Variants in GABRP observed in about 807,000 individuals in gnomAD.
GABRP encodes gamma-aminobutyric acid receptor subunit pi.
In GABRP, 52 loss-of-function variants were observed where a neutral mutation model predicts 47.8. The observed-to-expected ratio is 1.09, with a 90% CI of 0.87 to 1.37. The LOEUF (loss-of-function observed/expected upper bound fraction) is 1.37, where lower values mean the gene tolerates loss of function less well. Ranked by LOEUF, GABRP falls within the 40% of genes most tolerant of loss-of-function variation. GABRP has a pLI of 0.00. For synonymous variants in GABRP, 221 were observed against 205.8 expected, an observed-to-expected ratio of 1.07 and a Z score of -0.63; for missense variants, 525 against 542.8, an observed-to-expected ratio of 0.97 and a Z score of 0.33.
rs1765924110 is a variant in GABRP at position 170,812,745 on chromosome 5, G to A, written c.*487G>A. The A allele has an allele frequency of 6.5e-6, 1 of 154,398 alleles. No individual in the cohort carries two copies. Among genetic ancestry groups the A allele is most frequent in the Admixed American group, 6.3e-5 (1 of 15,754 alleles). The allele number at this position is 154,398 out of a possible 1,614,324, so 9.6% of individuals were successfully genotyped here. A position where few individuals can be genotyped will look rare whatever the true frequency, so the allele number is the denominator to read the frequency against. ...TGTTTCTGGTTAAAATGAAATATGG[G>A]CTTATGTCAATTCATTGGAAGTCAA... On this transcript the variant is annotated 3_prime_UTR_variant, in exon 10 of 10. Transcript: ENST00000265294.
At chr5:170,801,501 T>C (rs1765589003) in intron 6 of GABRP, among the ~76,000 whole-genome samples, 1 of 152,202 alleles carries the variant, frequency 6.6e-6, no homozygotes, top group Non-Finnish European at 1.5e-5. Context: ...GTCCCAGACA[T>C]ATCCCTGTGC....
chr5:170,809,172 A>G (rs1341760018), intron 8 of GABRP, among the ~76,000 whole-genome samples: 3 of 152,102 alleles, frequency 2.0e-5, no homozygotes, highest in African/African-American at 7.2e-5. Context: ...CCTGACCTCA[A>G]GTGATCTGCC....
At chr5:170,783,382 A>G (rs1027315770), upstream of GABRP, among the ~76,000 whole-genome samples, 2 of 152,142 alleles carry the variant, frequency 1.3e-5, no homozygotes, top group Non-Finnish European at 2.9e-5. Flanking sequence ...TGAAGTGGCC[A>G]CTATAGCCAT....
intron 6 of GABRP, among the ~76,000 whole-genome samples, chr5:170,798,558 T>C (rs1430869453): frequency 6.6e-6 from 1 of 152,164 alleles, no homozygotes; most frequent in Non-Finnish European, 1.5e-5. Flanking sequence ...ATCTGATTAC[T>C]AACTCTCAAA....
At chr5:170,789,301 A>AT in intron 3 of GABRP, 54 bp downstream of exon 3, 1 of 1,164,182 alleles carries the variant, frequency 8.6e-7, no homozygotes, top group South Asian at 1.3e-5. Flanking sequence ...AACAGAGACA[A>AT]TAAGCAGTGG....
Position 170,809,616 on chromosome 5 carries a change from C to A in GABRP, c.881C>A (p.Thr294Asn), listed in dbSNP as rs41311751. 3 of 1,614,210 alleles carry A rather than the reference C, an allele frequency of 1.9e-6. No individual in the cohort carries two copies. The highest frequency in any genetic ancestry group is 2.5e-6 in the Non-Finnish European group (3 of 1,180,042). ...ACCACACTGATGATCGGGTCCCGCA[C>A]TTCTCTTCCCAACACCAACTGCTTC... ...SMTTLMIGSR[T>N]SLPNTNCFIK... is the part of the protein sequence containing the mutation. The change falls in exon 9 of 10, where the codon ACT (threonine) becomes AAT (asparagine). Residue 294 changes from threonine (T) to asparagine (N), a missense_variant. Thr to Asn is a moderately conservative substitution (Grantham distance 65). Transcript: ENST00000265294.
At chr5:170,792,970 G>A (rs372479203) in intron 3 of GABRP, among the ~76,000 whole-genome samples, 1 of 152,100 alleles carries the variant, frequency 6.6e-6, no homozygotes, top group Non-Finnish European at 1.5e-5. Context: ...TCCAAAATTA[G>A]CTAGGATTAC....
chr5:170,809,804 C>A, intron 9 of GABRP, 49 bp downstream of exon 9: 2 of 1,532,936 alleles, frequency 1.3e-6, no homozygotes, highest in Non-Finnish European at 1.8e-6. Context: ...GTGCCGTGTG[C>A]TGATCTGTAG....
intron 1 of GABRP, among the ~76,000 whole-genome samples, chr5:170,784,112 G>T (rs758525135): frequency 1.3e-5 from 2 of 152,190 alleles, no homozygotes; most frequent in Non-Finnish European, 2.9e-5. Flanking sequence ...AGCAGACACA[G>T]GGCACGCGCC....
At chr5:170,792,938 T>G (rs1765315436) in intron 3 of GABRP, among the ~76,000 whole-genome samples, 1 of 152,182 alleles carries the variant, frequency 6.6e-6, no homozygotes, top group African/African-American at 2.4e-5. Context: ...TCTATTAGCC[T>G]GGTGAATAAA....
Position 170,789,257 on chromosome 5 carries a change from C to T in GABRP, c.172+10C>T. On this transcript the variant is annotated intron_variant, in intron 3 of 9. Transcript: ENST00000265294. ...AGGCCCAATTTTGGTGGTAGGTCAT[C>T]CTCTGTGTCCAGGACATCATTCAAA... 5 of 1,548,218 alleles carry T rather than the reference C, an allele frequency of 3.2e-6. No individual in the cohort carries two copies. The highest frequency in any genetic ancestry group is 2.2e-5 in the East Asian group (1 of 44,622).
At chr5:170,791,127 T>G (rs1284252517) in intron 3 of GABRP, among the ~76,000 whole-genome samples, 1 of 152,224 alleles carries the variant, frequency 6.6e-6, no homozygotes, top group Non-Finnish European at 1.5e-5. Context: ...CCTTCTTGTT[T>G]GCCTACTCAC....
In GABRP at chr5:170,808,623, C is replaced by T. The variant is rs1210305129; in HGVS notation, c.703C>T (p.Gln235Ter). The T allele has an allele frequency of 1.9e-6, 3 of 1,614,012 alleles. No individual in the cohort carries two copies. Among genetic ancestry groups the T allele is most frequent in the Non-Finnish European group, 2.5e-6 (3 of 1,179,906 alleles). ...ETGNYTRLVLQFELRRNVLYF... is the reference protein window; with the variant it reads ...ETGNYTRLVL ...AGGAAATTACACTAGATTGGTCTTA[C>T]AGTTTGAGCTTCGGAGGAATGTTCT... The change falls in exon 8 of 10, where the codon CAG becomes TAG. Residue 235 changes from glutamine (Q) to a stop codon, truncating the protein, a stop_gained. Transcript: ENST00000265294. LOFTEE classifies it high-confidence loss of function.
At chr5:170,787,196 A>G (rs892585754) in intron 1 of GABRP, among the ~76,000 whole-genome samples, 5 of 152,242 alleles carry the variant, frequency 3.3e-5, no homozygotes, top group African/African-American at 1.2e-4. Flanking sequence ...GTGAGCGAGT[A>G]TTGGTTTTGA....
intron 4 of GABRP, 36 bp downstream of exon 4, chr5:170,794,334 C>A: frequency 1.5e-6 from 2 of 1,338,862 alleles, no homozygotes; most frequent in Non-Finnish European, 2.1e-6. Context: ...CCCAAGTAGT[C>A]CCTCTCTGTG....
At chr5:170,797,966 T>C (rs1765477253) in intron 6 of GABRP, among the ~76,000 whole-genome samples, 1 of 152,180 alleles carries the variant, frequency 6.6e-6, no homozygotes, top group African/African-American at 2.4e-5. Context: ...AGTGGCAGAG[T>C]TGAGTATTTG....
At chr5:170,789,353 C>A in intron 3 of GABRP, 106 bp downstream of exon 3, 2 of 677,798 alleles carry the variant, frequency 3.0e-6, no homozygotes, top group Non-Finnish European at 5.1e-6. Flanking sequence ...TTCTGATCTG[C>A]AGCCTGTTAA....
chr5:170,804,304 T>C (rs1250828949), intron 6 of GABRP, among the ~76,000 whole-genome samples: 1 of 152,152 alleles, frequency 6.6e-6, no homozygotes, highest in African/African-American at 2.4e-5. Context: ...TTGGCTATTA[T>C]GAGTAGTGCT....
chr5:170,784,906 A>G (rs1765089802), intron 1 of GABRP, among the ~76,000 whole-genome samples: 1 of 152,142 alleles, frequency 6.6e-6, no homozygotes, highest in Non-Finnish European at 1.5e-5. Context: ...GGAGCCTCCT[A>G]GGGCCTCCTG....
Sources: gnomAD v4.1 joint callset for allele counts (sites outside exome capture counted in the v4.1 genomes callset) on GRCh38, gnomAD v4.1.1 for gene constraint, MANE v1.5 for transcripts, NCBI Gene and HGNC (gene_info 2026-07-23, HGNC 2026-07-21) for gene names.